The following PAPPA variants were observed in gnomAD, a reference collection of about 807,000 sequenced individuals.
PAPPA encodes pappalysin 1.
Under a neutral mutation model 164.0 loss-of-function variants are expected in PAPPA, and 60 were observed. The ratio of observed to expected loss-of-function variants is 0.37; its 90% CI spans 0.30 to 0.45. PAPPA has a LOEUF of 0.45. PAPPA is among the 20% of genes least tolerant of loss of function. The pLI is 1.00. For missense variants in PAPPA, 1,782 were observed against 2,087.3 expected (o/e 0.85, Z 2.85); for synonymous variants, 875 against 814.1 (o/e 1.07, Z -1.27).
chr9:116,281,496 C>T (rs568154579), intron 9 of PAPPA, among the ~76,000 whole-genome samples: 1 of 152,118 alleles, frequency 6.6e-6, no homozygotes, highest in East Asian at 1.9e-4. Context: ...GACACTGAAG[C>T]AAATGACACT....
intron 7 of PAPPA, among the ~76,000 whole-genome samples, chr9:116,240,576 A>G (rs989970838): frequency 2.0e-5 from 3 of 152,210 alleles, no homozygotes; most frequent in African/African-American, 7.2e-5. Flanking sequence ...GGAGAAGCCA[A>G]AATGTAGTAA....
chr9:116,194,956 C>A (rs1844086670), intron 2 of PAPPA, among the ~76,000 whole-genome samples: 1 of 152,080 alleles, frequency 6.6e-6, no homozygotes, highest in Non-Finnish European at 1.5e-5. Context: ...TAAATAAAGA[C>A]CCTATAACTT....
intron 7 of PAPPA, among the ~76,000 whole-genome samples, chr9:116,259,942 C>T (rs574085746): frequency 6.6e-6 from 1 of 151,712 alleles, no homozygotes; most frequent in Non-Finnish European, 1.5e-5. Context: ...AAAGAATGGC[C>T]AAATAAATTA....
At chr9:116,155,993 G>T (rs917901848) in intron 1 of PAPPA, among the ~76,000 whole-genome samples, 2 of 151,844 alleles carry the variant, frequency 1.3e-5, no homozygotes, top group African/African-American at 4.8e-5. Context: ...GTCTAATTTG[G>T]AACAGAGGAA....
In PAPPA at chr9:116,220,065, G is replaced by A; in HGVS notation, c.2047G>A (p.Gly683Ser). The A allele has an allele frequency of 6.2e-7, 1 of 1,614,086 alleles. No homozygotes were observed. The highest frequency in any genetic ancestry group is 1.1e-5 in the South Asian group (1 of 91,080). ...TGTTGCCCTCGCCCCCCAAGTTCTG[G>A]GCCACACAACGGACTCTGTGACACT... ...APVALAPQVL[G>S]HTTDSVTLEW... The change falls in exon 5 of 22, where the codon GGC (glycine) becomes AGC (serine). Residue 683 changes from glycine (G) to serine (S), a missense_variant. This residue lies in a region of PAPPA where 1,324 missense variants were observed against 1,656.9 expected (regional missense o/e 0.80). Coordinates refer to ENST00000328252, the MANE Select transcript of PAPPA (RefSeq NM_002581.5).
chr9:116,244,403 T>G (rs1844772668), intron 7 of PAPPA, among the ~76,000 whole-genome samples: 1 of 152,224 alleles, frequency 6.6e-6, no homozygotes, highest in Non-Finnish European at 1.5e-5. Context: ...ATTCATTTGT[T>G]TGTTTCTACA....
At chr9:116,266,531 G>T (rs926405825) in intron 8 of PAPPA, among the ~76,000 whole-genome samples, 1 of 152,150 alleles carries the variant, frequency 6.6e-6, no homozygotes, top group Non-Finnish European at 1.5e-5. Context: ...AATAAACAGT[G>T]CTCTGGAGTG....
chr9:116,393,161 G>A (rs533456022), intron 21 of PAPPA, among the ~76,000 whole-genome samples: 2 of 152,334 alleles, frequency 1.3e-5, no homozygotes, highest in Admixed American at 1.3e-4. Context: ...TTGAACTGGG[G>A]AGGACAGGAA....
At chr9:116,174,200 G>C (rs925589921) in intron 1 of PAPPA, among the ~76,000 whole-genome samples, 7 of 152,172 alleles carry the variant, frequency 4.6e-5, no homozygotes, top group African/African-American at 1.7e-4. Flanking sequence ...AGCATCAGCT[G>C]TCATTGCCCT....
chr9:116,253,508 A>G (rs1350145541), intron 7 of PAPPA, among the ~76,000 whole-genome samples: 1 of 152,176 alleles, frequency 6.6e-6, no homozygotes. Flanking sequence ...CTATCTTTCA[A>G]AACATTTCTT....
chr9:116,304,024 C>A (rs1412552329), intron 10 of PAPPA, among the ~76,000 whole-genome samples: 2 of 152,162 alleles, frequency 1.3e-5, no homozygotes. Flanking sequence ...TGATGCTTAA[C>A]AATGTATAGT....
At chr9:116,340,938 C>T (rs575615173) in intron 13 of PAPPA, among the ~76,000 whole-genome samples, 1 of 152,278 alleles carries the variant, frequency 6.6e-6, no homozygotes, top group Non-Finnish European at 1.5e-5. Flanking sequence ...AGTAGAGAGA[C>T]TCATCTTCTC....
At chr9:116,275,757 A>G (rs1025457305) in intron 9 of PAPPA, among the ~76,000 whole-genome samples, 9 of 151,624 alleles carry the variant, frequency 5.9e-5, no homozygotes, top group South Asian at 4.2e-4. Context: ...GCTTCAATTT[A>G]GAAGGGCTGA....
intron 15 of PAPPA, among the ~76,000 whole-genome samples, chr9:116,351,932 T>G (rs571292381): frequency 3.9e-5 from 6 of 152,184 alleles, no homozygotes; most frequent in Admixed American, 3.9e-4. Flanking sequence ...AAGTTTCAGG[T>G]CCTCCTCTAG....
intron 8 of PAPPA, among the ~76,000 whole-genome samples, chr9:116,266,951 G>A (rs973551834): frequency 1.3e-5 from 2 of 152,190 alleles, no homozygotes; most frequent in Non-Finnish European, 2.9e-5. Context: ...ATTACATGTG[G>A]AGAAGGCAAA....
intron 19 of PAPPA, among the ~76,000 whole-genome samples, chr9:116,368,172 TTCC>T (rs1846526687): frequency 6.6e-5 from 10 of 152,202 alleles, no homozygotes; most frequent in African/African-American, 2.4e-4. Context: ...CCATGTAGCC[TTCC>T]ACTTTACATA....
intron 6 of PAPPA, among the ~76,000 whole-genome samples, chr9:116,232,976 C>T (rs1844616979): frequency 6.6e-6 from 1 of 152,184 alleles, no homozygotes; most frequent in Non-Finnish European, 1.5e-5. Flanking sequence ...TCATTTTCTC[C>T]AAGGAAGGGA....
chr9:116,194,341 G>A (rs1456463704), intron 2 of PAPPA, among the ~76,000 whole-genome samples: 3 of 152,116 alleles, frequency 2.0e-5, no homozygotes, highest in Non-Finnish European at 4.4e-5. Flanking sequence ...AAAGAGTTCT[G>A]GGAAGAGTTA....
chr9:116,154,557 G>C lies in PAPPA; in HGVS notation c.385G>C (p.Gly129Arg). The part of the protein sequence containing the change: ...FTLQVWLRAE[G>R]GQRSPAVITG... ...GCTGCAAGTGTGGCTGCGAGCGGAG[G>C]GGGGCCAGAGGTCTCCGGCAGTGAT... The change falls in exon 1 of 22, where the codon GGG becomes CGG. Residue 129 changes from glycine to arginine, a missense_variant. This residue lies in a region of PAPPA where 458 missense variants were observed against 430.3 expected (regional missense o/e 1.06). Coordinates refer to ENST00000328252, the MANE Select transcript of PAPPA (RefSeq NM_002581.5). The surrounding 1 kb of genome is among the most constrained non-coding windows in gnomAD (Gnocchi z 5.2). 3.6e-6 allele frequency: 5 copies of C among 1,404,954 alleles called. No homozygotes were observed. The highest frequency in any genetic ancestry group is 4.6e-6 in the Non-Finnish European group (5 of 1,077,402). 87.0% of individuals were successfully genotyped at this position (1,404,954 alleles called of 1,614,324 possible). A position where few individuals can be genotyped will look rare whatever the true frequency, so the allele number is the denominator to read the frequency against.
Sources: gnomAD v4.1 joint callset for allele counts (sites outside exome capture counted in the v4.1 genomes callset) on GRCh38, gnomAD v4.1.1 for gene constraint, gnomAD v4.1.1 regional missense constraint, Gnocchi (gnomAD v3.1) non-coding constraint, MANE v1.5 for transcripts, NCBI Gene and HGNC (gene_info 2026-07-23, HGNC 2026-07-21) for gene names.